The following TEC variants were observed in gnomAD, a reference collection of about 807,000 sequenced individuals.
TEC encodes the protein tyrosine-protein kinase Tec.
TEC carries 72 observed loss-of-function variants against 93.0 expected under a neutral mutation model. That is an observed-to-expected ratio of 0.77 (90% CI 0.64 to 0.94). The LOEUF (loss-of-function observed/expected upper bound fraction) is 0.94. Ranked by LOEUF, TEC falls within the 40% of genes least tolerant of loss-of-function variation. TEC has a pLI of 0.00. For missense variants in TEC, 630 were observed against 757.9 expected (o/e 0.83, Z 1.98); for synonymous variants, 249 against 247.7 (o/e 1.01, Z -0.05).
chr4:48,152,977 C>T (rs1319191096), intron 9 of TEC, among the ~76,000 whole-genome samples: 1 of 152,172 alleles, frequency 6.6e-6, no homozygotes, highest in Non-Finnish European at 1.5e-5. Flanking sequence ...ATCTTCTAGT[C>T]TAACTCCTTT....
intron 2 of TEC, among the ~76,000 whole-genome samples, chr4:48,198,716 C>G (rs1173035344): frequency 6.6e-6 from 1 of 151,914 alleles, no homozygotes; most frequent in African/African-American, 2.4e-5. Flanking sequence ...TTAAAAGGCC[C>G]CAGCTGGAAA....
At chr4:48,199,043 C>A (rs1370930271) in intron 2 of TEC, among the ~76,000 whole-genome samples, 4 of 152,178 alleles carry the variant, frequency 2.6e-5, no homozygotes, top group African/African-American at 9.6e-5. Context: ...ATACAAATGG[C>A]CTGGCAGGGC....
intron 1 of TEC, among the ~76,000 whole-genome samples, chr4:48,232,696 A>G (rs1723680571): frequency 6.6e-6 from 1 of 152,248 alleles, no homozygotes; most frequent in South Asian, 2.1e-4. Flanking sequence ...CTGAAATTCC[A>G]TTAAAAACAG....
chr4:48,253,840 C>T (rs1402143342), intron 1 of TEC, among the ~76,000 whole-genome samples: 3 of 152,030 alleles, frequency 2.0e-5, no homozygotes, highest in African/African-American at 4.8e-5. Context: ...CCCCCCAAAG[C>T]GCTGGTATTA....
chr4:48,240,568 A>G (rs1004268612), intron 1 of TEC, among the ~76,000 whole-genome samples: 6 of 152,124 alleles, frequency 3.9e-5, no homozygotes, highest in African/African-American at 1.4e-4. Context: ...CCAAAAATAA[A>G]ACCACAGTCT....
intron 2 of TEC, among the ~76,000 whole-genome samples, chr4:48,191,227 T>A (rs921130238): frequency 2.6e-5 from 4 of 152,260 alleles, no homozygotes; most frequent in African/African-American, 9.6e-5. Flanking sequence ...GCATAATTTA[T>A]CTGGACCCTC....
intron 5 of TEC, 82 bp downstream of exon 5, chr4:48,170,162 TAATC>T (rs1009908857): frequency 8.4e-7 from 1 of 1,186,020 alleles, no homozygotes; most frequent in Non-Finnish European, 1.2e-6. Flanking sequence ...GTGCTGTACT[TAATC>T]AAAACCATGT....
intron 1 of TEC, among the ~76,000 whole-genome samples, chr4:48,268,496 A>C (rs1724698522): frequency 6.6e-6 from 1 of 152,220 alleles, no homozygotes; most frequent in South Asian, 2.1e-4. Context: ...TAACTAAACT[A>C]AAAAATACTT....
At chr4:48,191,902 G>C (rs1722104760) in intron 2 of TEC, among the ~76,000 whole-genome samples, 1 of 152,146 alleles carries the variant, frequency 6.6e-6, no homozygotes, top group Admixed American at 6.5e-5. Context: ...TGGCACTACT[G>C]CACTCCAGCC....
At chr4:48,220,658 C>T (rs1481629177) in intron 2 of TEC, among the ~76,000 whole-genome samples, 13 of 152,196 alleles carry the variant, frequency 8.5e-5, no homozygotes, top group Admixed American at 8.5e-4. Flanking sequence ...TATAAATTAC[C>T]CAGCCTCAAG....
At chr4:48,231,341 A>G (rs1176337967) in intron 1 of TEC, among the ~76,000 whole-genome samples, 1 of 152,216 alleles carries the variant, frequency 6.6e-6, no homozygotes. Context: ...TCCTTATTCC[A>G]TATTAAAATT....
chr4:48,176,919 G>A (rs1481124062), intron 2 of TEC, among the ~76,000 whole-genome samples: 1 of 152,152 alleles, frequency 6.6e-6, no homozygotes, highest in African/African-American at 2.4e-5. Flanking sequence ...CCCTTCACTG[G>A]GGTAAATGCC....
At chr4:48,160,563 C>T (rs574239727) in intron 8 of TEC, among the ~76,000 whole-genome samples, 2 of 151,824 alleles carry the variant, frequency 1.3e-5, no homozygotes, top group South Asian at 2.1e-4. Flanking sequence ...CCTGTCTCTA[C>T]TAAAAATACA....
At chr4:48,143,505 T>G (rs1451623293) in intron 14 of TEC, among the ~76,000 whole-genome samples, 4 of 152,198 alleles carry the variant, frequency 2.6e-5, no homozygotes, top group African/African-American at 4.8e-5. Flanking sequence ...GCATGTCTAT[T>G]TTACAAAGCC....
intron 1 of TEC, among the ~76,000 whole-genome samples, chr4:48,247,603 C>T (rs1469906659): frequency 6.6e-6 from 1 of 152,086 alleles, no homozygotes; most frequent in Non-Finnish European, 1.5e-5. Context: ...TTGAATGAAC[C>T]TTGAAAACAT....
chr4:48,227,641 CAAAAA>C (rs34047322), intron 2 of TEC, among the ~76,000 whole-genome samples: 1 of 84,306 alleles, frequency 1.2e-5, no homozygotes, highest in Non-Finnish European at 2.4e-5. Context: ...GACACTGTCT[CAAAAA>C]AAAAAAAAAA....
At chr4:48,192,738 T>A (rs75568209) in intron 2 of TEC, among the ~76,000 whole-genome samples, 5,548 of 152,310 alleles carry the variant, frequency 0.036, 342 homozygotes, top group African/African-American at 0.13. Context: ...CTCATTTAAA[T>A]GAAGGCTCTG....
intron 9 of TEC, among the ~76,000 whole-genome samples, chr4:48,151,143 G>C (rs1450071448): frequency 6.6e-6 from 1 of 152,130 alleles, no homozygotes; most frequent in African/African-American, 2.4e-5. Context: ...TACTGCGCTA[G>C]GAGAGTAGTT....
chr4:48,218,085 G>A (rs1387065637), intron 2 of TEC, among the ~76,000 whole-genome samples: 1 of 152,100 alleles, frequency 6.6e-6, no homozygotes, highest in Non-Finnish European at 1.5e-5. Context: ...GACAAGAAAG[G>A]TCAGATCTAG....
Sources: allele counts gnomAD v4.1 joint callset (sites outside exome capture counted in the v4.1 genomes callset), GRCh38; gene constraint gnomAD v4.1.1; transcripts MANE v1.5; gene names NCBI Gene and HGNC (gene_info 2026-07-23, HGNC 2026-07-21).